Variants in DPYD observed in about 807,000 individuals in gnomAD.
DPYD encodes dihydropyrimidine dehydrogenase [NADP(+)].
A neutral mutation model predicts 116.2 loss-of-function variants in DPYD; 109 were observed. The observed-to-expected ratio is 0.94, with a 90% CI of 0.80 to 1.10. The LOEUF (loss-of-function observed/expected upper bound fraction) is 1.10, where lower values mean the gene tolerates loss of function less well. Ranked by LOEUF, DPYD falls within the 50% of genes least tolerant of loss-of-function variation. DPYD has a pLI of 0.00. For missense variants in DPYD, 1,302 were observed against 1,254.5 expected, an observed-to-expected ratio of 1.04 and a Z score of -0.57; for synonymous variants, 440 against 432.0, an observed-to-expected ratio of 1.02 and a Z score of -0.23.
chr1:97,163,952 T>C (rs1656117776), intron 20 of DPYD, among the ~76,000 whole-genome samples: 1 of 152,106 alleles, frequency 6.6e-6, no homozygotes, highest in African/African-American at 2.4e-5. Flanking sequence ...AATGGCAAGT[T>C]GAAAAGTTGT....
At chr1:97,722,063 AC>A (rs1662955173) in intron 4 of DPYD, among the ~76,000 whole-genome samples, 1 of 151,750 alleles carries the variant, frequency 6.6e-6, no homozygotes, top group African/African-American at 2.4e-5. Flanking sequence ...CTTTAAAACA[AC>A]AAAAAATGGT....
intron 18 of DPYD, among the ~76,000 whole-genome samples, chr1:97,270,488 C>T (rs1299739667): frequency 2.0e-5 from 3 of 152,102 alleles, no homozygotes; most frequent in African/African-American, 7.2e-5. Flanking sequence ...TACACCATTC[C>T]CCATTCATAT....
chr1:97,385,338 C>CCTTATTTG (rs973377564), intron 14 of DPYD, among the ~76,000 whole-genome samples: 4 of 109,450 alleles, frequency 3.7e-5, no homozygotes, highest in African/African-American at 1.4e-4. Context: ...AGATTAAGGA[C>CCTTATTTG]CTTATTTGAA....
chr1:97,829,908 C>A (rs988766459), intron 2 of DPYD, among the ~76,000 whole-genome samples: 7 of 151,882 alleles, frequency 4.6e-5, no homozygotes, highest in African/African-American at 1.7e-4. Context: ...AGCCCCCCAC[C>A]CCCAGACAGG....
At chr1:97,683,263 G>A (rs543496445) in intron 7 of DPYD, among the ~76,000 whole-genome samples, 1 of 151,926 alleles carries the variant, frequency 6.6e-6, no homozygotes, top group African/African-American at 2.4e-5. Flanking sequence ...AGCTATTAGT[G>A]TACATGTTTC....
chr1:97,289,882 A>G (rs1473672158), intron 18 of DPYD, among the ~76,000 whole-genome samples: 1 of 151,520 alleles, frequency 6.6e-6, no homozygotes, highest in Non-Finnish European at 1.5e-5. Flanking sequence ...CAATTAGGAA[A>G]AGAGGAAGTC....
At chr1:97,141,756 A>G (rs1259760472) in intron 20 of DPYD, among the ~76,000 whole-genome samples, 1 of 152,172 alleles carries the variant, frequency 6.6e-6, no homozygotes, top group Non-Finnish European at 1.5e-5. Flanking sequence ...ACAGTGGCTG[A>G]CACATGGTAG....
At chr1:97,880,816 T>C (rs1255305932) in intron 2 of DPYD, among the ~76,000 whole-genome samples, 1 of 152,002 alleles carries the variant, frequency 6.6e-6, no homozygotes, top group Non-Finnish European at 1.5e-5. Flanking sequence ...TGTTAAATCC[T>C]TTTTCCATGT....
chr1:97,664,410 T>C (rs1330760710), intron 8 of DPYD, among the ~76,000 whole-genome samples: 1 of 151,966 alleles, frequency 6.6e-6, no homozygotes, highest in African/African-American at 2.4e-5. Context: ...TATATATGTA[T>C]AGCTATGAGT....
At chr1:97,815,012 G>T (rs181474388) in intron 3 of DPYD, among the ~76,000 whole-genome samples, 192 of 146,506 alleles carry the variant, frequency 1.3e-3, no homozygotes, top group Non-Finnish European at 9.7e-4. Context: ...AAAGGGAAAA[G>T]GAAAAGGAAA....
intron 8 of DPYD, among the ~76,000 whole-genome samples, chr1:97,641,666 A>T (rs914460311): frequency 1.3e-5 from 2 of 152,220 alleles, no homozygotes; most frequent in Non-Finnish European, 2.9e-5. Context: ...AAAAGCTGGA[A>T]CCATTCCCTT....
chr1:97,093,168 C>G (rs1650007695), intron 21 of DPYD, among the ~76,000 whole-genome samples: 1 of 152,068 alleles, frequency 6.6e-6, no homozygotes, highest in South Asian at 2.1e-4. Flanking sequence ...ATAATTTTAT[C>G]TTGTTAGTGT....
chr1:97,821,174 T>C (rs1333025333), intron 3 of DPYD, among the ~76,000 whole-genome samples: 3 of 151,616 alleles, frequency 2.0e-5, no homozygotes, highest in Admixed American at 6.6e-5. Flanking sequence ...CTAATAAAAA[T>C]ACACAAATTA....
At chr1:97,158,551 C>A (rs1413005237) in intron 20 of DPYD, among the ~76,000 whole-genome samples, 1 of 144,548 alleles carries the variant, frequency 6.9e-6, no homozygotes, top group African/African-American at 2.6e-5. Context: ...GAAGAATGTC[C>A]AAAAGAGGGC....
intron 14 of DPYD, among the ~76,000 whole-genome samples, chr1:97,448,464 C>T (rs1260045291): frequency 6.6e-6 from 1 of 152,064 alleles, no homozygotes; most frequent in African/African-American, 2.4e-5. Flanking sequence ...ATAAATAAAA[C>T]TTTTGTAACT....
chr1:97,094,864 C>G (rs779184377), intron 21 of DPYD, among the ~76,000 whole-genome samples: 5 of 152,008 alleles, frequency 3.3e-5, no homozygotes, highest in Non-Finnish European at 7.4e-5. Flanking sequence ...CTTTCCCCAA[C>G]CTGTTCTTCA....
chr1:97,515,586 A>G (rs1382083346), intron 13 of DPYD, 140 bp downstream of exon 13: 2 of 728,460 alleles, frequency 2.7e-6, no homozygotes, highest in Non-Finnish European at 4.4e-6. Flanking sequence ...AAAGAAACTA[A>G]AGATTAATGT....
chr1:97,230,909 T>C (rs1368309018), intron 19 of DPYD, among the ~76,000 whole-genome samples: 2 of 152,174 alleles, frequency 1.3e-5, no homozygotes, highest in African/African-American at 4.8e-5. Flanking sequence ...AGTTCCAGGG[T>C]CCTTTCATGT....
chr1:97,119,395 A>T (rs1478116014), intron 20 of DPYD, among the ~76,000 whole-genome samples: 1 of 152,150 alleles, frequency 6.6e-6, no homozygotes, highest in African/African-American at 2.4e-5. Context: ...AAGACTGCAG[A>T]AAAGTGTTAA....
Sources: allele counts gnomAD v4.1 joint callset (sites outside exome capture counted in the v4.1 genomes callset), GRCh38; gene constraint gnomAD v4.1.1; transcripts MANE v1.5; gene names NCBI Gene and HGNC (gene_info 2026-07-23, HGNC 2026-07-21).